GREB1: variants seen among roughly 807,000 people sequenced by gnomAD.
The protein encoded by GREB1 is growth regulating estrogen receptor binding 1, also known as protein GREB1.
Under a neutral mutation model 200.7 loss-of-function variants are expected in GREB1, and 106 were observed. The observed-to-expected ratio is 0.53, with a 90% CI of 0.45 to 0.62. The LOEUF (loss-of-function observed/expected upper bound fraction) is 0.62, where lower values mean the gene tolerates loss of function less well. Among genes scored for constraint, GREB1 ranks in the 20% least tolerant of loss-of-function variants. The probability of loss-of-function intolerance (pLI) is 0.00; values close to 1 mark genes in which losing one functional copy is unlikely to be tolerated. For synonymous variants in GREB1, 1,132 were observed against 1,092.4 expected, an observed-to-expected ratio of 1.04 and a Z score of -0.72; for missense variants, 2,243 against 2,556.8, an observed-to-expected ratio of 0.88 and a Z score of 2.65.
rs1458410188 is a variant in GREB1, at chr2:11,618,335, C to A, written c.3460C>A (p.Gln1154Lys). The stretch of plus-strand genomic sequence containing the variant: ...CTCGGCTCAGCCCACAGCACTCCCC[C>A]AGGGAGAGCATGCCAGGTCGCCCCA... ...ESSAQPTALP[Q>K]GEHARSPQPR... The change falls in exon 22 of 33, where the codon CAG becomes AAG. Residue 1154 changes from glutamine to lysine, a missense_variant. By Grantham distance (53) the Gln-to-Lys change is moderately conservative (BLOSUM62 1). Transcript: ENST00000381486. 6.2e-7 allele frequency: 1 copy of A among 1,604,394 alleles called. No homozygotes were observed. Among genetic ancestry groups the A allele is most frequent in the Non-Finnish European group, 8.5e-7 (1 of 1,174,814 alleles).
chr2:11,502,729 A>T (rs1311330665), intron 1 of GREB1, among the ~76,000 whole-genome samples: 1 of 152,210 alleles, frequency 6.6e-6, no homozygotes, highest in Non-Finnish European at 1.5e-5. Context: ...TTGACCTCAG[A>T]TATTGTACCA....
intron 1 of GREB1, among the ~76,000 whole-genome samples, chr2:11,517,904 T>C (rs1391080355): frequency 6.6e-6 from 1 of 152,152 alleles, no homozygotes; most frequent in African/African-American, 2.4e-5. Context: ...CCACCTGCCT[T>C]GGCCTCCCAA....
intron 1 of GREB1, among the ~76,000 whole-genome samples, chr2:11,504,387 G>C (rs773965176): frequency 6.6e-6 from 1 of 152,182 alleles, no homozygotes; most frequent in African/African-American, 2.4e-5. Context: ...TCTTCAAAGC[G>C]ATTTTTTAAT....
chr2:11,595,478 A>G (rs1359327598), intron 12 of GREB1, 99 bp downstream of exon 12: 11 of 1,265,170 alleles, frequency 8.7e-6, no homozygotes, highest in South Asian at 1.4e-5. Context: ...GTGACCTGCT[A>G]AGGCTGGCCT....
chr2:11,539,007 C>CTCT (rs1572618150), intron 1 of GREB1, among the ~76,000 whole-genome samples: 4 of 96,838 alleles, frequency 4.1e-5, no homozygotes, highest in East Asian at 6.8e-4. Flanking sequence ...CTCCTTTCTC[C>CTCT]CTTCTCCTCC....
At chr2:11,619,413 G>C (rs904359685) in intron 22 of GREB1, among the ~76,000 whole-genome samples, 1 of 152,204 alleles carries the variant, frequency 6.6e-6, no homozygotes, top group African/African-American at 2.4e-5. Context: ...AGGAGGGCTG[G>C]GGACTGGAAT....
At chr2:11,537,160 C>T (rs1469076857) in intron 1 of GREB1, among the ~76,000 whole-genome samples, 2 of 151,984 alleles carry the variant, frequency 1.3e-5, no homozygotes, top group Non-Finnish European at 2.9e-5. Flanking sequence ...CATGGGGTTT[C>T]ACCATGTTGG....
rs1285970196 is a variant in GREB1 at position 11,642,562 on chromosome 2, C to T, written c.*2108C>T. 3.3e-5 allele frequency: 5 copies of T among 151,984 alleles called. No individual in the cohort carries two copies. Among genetic ancestry groups the T allele is most frequent in the South Asian group, 2.1e-4 (1 of 4,810 alleles). The allele number at this position is 151,984 out of a possible 1,614,324, so 9.4% of individuals were successfully genotyped here. On this transcript the variant is annotated 3_prime_UTR_variant, in exon 33 of 33. Transcript: ENST00000381486. ...TTTTTTTCCTAAGAAAAAAAGTCCG[C>T]GAGTATTAAATATTTAGATCAATGT...
chr2:11,576,676 A>G, intron 5 of GREB1, 141 bp downstream of exon 5: 1 of 635,936 alleles, frequency 1.6e-6, no homozygotes, highest in South Asian at 2.4e-5. Context: ...GAAATGGAAA[A>G]TGCTCCTTTG....
chr2:11,501,920 T>TTTTTTTTTTTTTTTG (rs1558486277), intron 1 of GREB1, among the ~76,000 whole-genome samples: 1 of 118,028 alleles, frequency 8.5e-6, no homozygotes, highest in Non-Finnish European at 1.8e-5. Flanking sequence ...TTTTTTTTTT[T>TTTTTTTTTTTTTTTG]TTTTTTTTTT....
intron 1 of GREB1, among the ~76,000 whole-genome samples, chr2:11,524,044 T>G (rs1673789639): frequency 7.1e-6 from 1 of 141,514 alleles, no homozygotes; most frequent in South Asian, 2.1e-4. Flanking sequence ...CACACGTGCA[T>G]GCACACTCAC....
rs1223086952 is a variant in GREB1, at chr2:11,538,884, C to G, written c.-162+4630C>G. Among the ~76,000 whole-genome samples the G allele has an allele frequency of 3.3e-5, 3 of 90,966 alleles. No homozygotes were observed. The East Asian group carries it at 1.0e-3, about 31-fold the overall frequency. The allele number at this position is 90,966 out of a possible 152,430, so 59.7% of individuals were successfully genotyped here. ...CCCTCCGTCCCTCCCTTTTTCCCTC[C>G]CTCTCTTTCTTTTCCTTCCTTCCTT... On this transcript the variant is annotated intron_variant, in intron 1 of 32. Coordinates refer to ENST00000381486, the MANE Select transcript of GREB1 (RefSeq NM_014668.4).
At position 11,566,409 on chromosome 2, in the gene GREB1, C is replaced by T. The variant is rs879198786; in HGVS notation, c.278-71C>T. ...CTCCTGAGCAGACCCAGAACGTTTC[C>T]TCCCTTTGCCCCTGTGACCCCGCTT... On this transcript the variant is annotated intron_variant, in intron 3 of 32. Coordinates refer to ENST00000381486, the MANE Select transcript of GREB1 (RefSeq NM_014668.4). 4.7e-5 allele frequency: 69 copies of T among 1,467,064 alleles called. No individual in the cohort carries two copies. In the South Asian group the frequency reaches 8.5e-4, roughly 18 times the overall value. The allele number at this position is 1,467,064 out of a possible 1,614,324, so 90.9% of individuals were successfully genotyped here. A position where few individuals can be genotyped will look rare whatever the true frequency, so the allele number is the denominator to read the frequency against.
intron 26 of GREB1, among the ~76,000 whole-genome samples, 159 bp from the exon 27 acceptor site, chr2:11,631,750 C>T (rs561943981): frequency 6.6e-6 from 1 of 152,322 alleles, no homozygotes; most frequent in East Asian, 1.9e-4. Flanking sequence ...GCCATTTTTC[C>T]TCCCTTTTAC....
rs4578831 is a variant in GREB1, at chr2:11,607,508, A to G, written c.2667-3180A>G. Among the ~76,000 whole-genome samples the G allele has an allele frequency of 7.1e-3, 960 of 134,578 alleles. 55 individuals carry two copies. Among genetic ancestry groups the G allele is most frequent in the Admixed American group, 0.053 (702 of 13,170 alleles). 88.3% of individuals were successfully genotyped at this position (134,578 alleles called of 152,430 possible). A position where few individuals can be genotyped will look rare whatever the true frequency, so the allele number is the denominator to read the frequency against. ...CATATATATACACATATATATACAT[A>G]TATGTACATACATATATATACACAT... On this transcript the variant is annotated intron_variant, in intron 17 of 32. Coordinates refer to ENST00000381486, the MANE Select transcript of GREB1 (RefSeq NM_014668.4).
At position 11,597,908 on chromosome 2, in the gene GREB1, G is replaced by A; in HGVS notation, c.2082G>A (p.Val694=). ...QNLDLGSFEK[V]DFLICIPPSE... is the part of the protein sequence containing the mutation. Reference sequence around the variant, plus strand: ...TGGACCTGGGATCCTTTGAGAAGGTGGACTTTCTCATTTGCATTCCCCCCT... The same window carrying A: ...TGGACCTGGGATCCTTTGAGAAGGTAGACTTTCTCATTTGCATTCCCCCCT... Residue 694 remains valine, a synonymous_variant, in exon 14 of 33, where the codon GTG becomes GTA. Coordinates refer to ENST00000381486, the MANE Select transcript of GREB1 (RefSeq NM_014668.4). The surrounding 1 kb of genome is among the most constrained non-coding windows in gnomAD (Gnocchi z 4.1). 1.9e-6 allele frequency: 3 copies of A among 1,613,922 alleles called. No homozygotes were observed. Among genetic ancestry groups the A allele is most frequent in the Non-Finnish European group, 2.5e-6 (3 of 1,179,786 alleles).
rs1200126112 is a variant in GREB1, at chr2:11,618,428, C to A, written c.3553C>A (p.Pro1185Thr). 3.7e-6 allele frequency: 6 copies of A among 1,606,552 alleles called. No homozygotes were observed. ...ACAGAGGCCCCGGGCAAGTCAGGGG[C>A]CACCCTCGGCCATCAGCAGGCACAG... ...EKQRPRASQG[P>T]PSAISRHSPG... The change falls in exon 22 of 33, where the codon CCA (proline) becomes ACA (threonine). Residue 1185 changes from proline to threonine, a missense_variant. Pro to Thr is a conservative substitution (Grantham distance 38, BLOSUM62 -1). Coordinates refer to ENST00000381486, the MANE Select transcript of GREB1 (RefSeq NM_014668.4).
At chr2:11,536,249 G>C (rs1674288865) in intron 1 of GREB1, among the ~76,000 whole-genome samples, 2 of 152,190 alleles carry the variant, frequency 1.3e-5, no homozygotes, top group Non-Finnish European at 2.9e-5. Context: ...TGCAGAGTCG[G>C]AGGTGTGACA....
chr2:11,602,516 G>A lies in GREB1; in HGVS notation c.2640G>A (p.Glu880=), dbSNP rs2148250808. The change falls in exon 17 of 33, where the codon GAG becomes GAA. Residue 880 remains glutamate, a synonymous_variant. Coordinates refer to ENST00000381486, the MANE Select transcript of GREB1 (RefSeq NM_014668.4). ...LPLLRYDSSF[E]AMVTALGKRF... Reference sequence around the variant, plus strand: ...TGCTCAGATACGATAGCTCCTTTGAGGCCATGGTCACTGCATTAGGAAAAA... The same window carrying A: ...TGCTCAGATACGATAGCTCCTTTGAAGCCATGGTCACTGCATTAGGAAAAA... The A allele has an allele frequency of 1.2e-6, 2 of 1,614,006 alleles. No individual in the cohort carries two copies. Among genetic ancestry groups the A allele is most frequent in the East Asian group, 4.5e-5 (2 of 44,880 alleles).
Sources: allele counts gnomAD v4.1 joint callset (sites outside exome capture counted in the v4.1 genomes callset), GRCh38; gene constraint gnomAD v4.1.1; non-coding constraint Gnocchi (gnomAD v3.1); transcripts MANE v1.5; gene names NCBI Gene and HGNC (gene_info 2026-07-23, HGNC 2026-07-21).